PCDH17: variants seen among roughly 807,000 people sequenced by gnomAD.
The protein encoded by PCDH17 is protocadherin-17.
A neutral mutation model predicts 67.7 loss-of-function variants in PCDH17; 21 were observed. The ratio of observed to expected loss-of-function variants is 0.31; its 90% CI spans 0.22 to 0.45. The LOEUF is 0.45. Ranked by LOEUF, PCDH17 falls within the 20% of genes least tolerant of loss-of-function variation. The probability of loss-of-function intolerance (pLI) is 1.00; values close to 1 mark genes in which losing one functional copy is unlikely to be tolerated. For synonymous variants in PCDH17, 701 were observed against 656.7 expected, an observed-to-expected ratio of 1.07 and a Z score of -1.03; for missense variants, 1,471 against 1,564.8, an observed-to-expected ratio of 0.94 and a Z score of 1.01.
intron 1 of PCDH17, among the ~76,000 whole-genome samples, chr13:57,662,055 G>A (rs1955190497): frequency 6.6e-6 from 1 of 151,932 alleles, no homozygotes; most frequent in Non-Finnish European, 1.5e-5. Context: ...AGTAGACAAG[G>A]GATTTTTCAC....
intron 3 of PCDH17, among the ~76,000 whole-genome samples, chr13:57,723,935 A>G (rs1355554167): frequency 2.0e-5 from 3 of 152,174 alleles, no homozygotes; most frequent in Admixed American, 6.5e-5. Flanking sequence ...ATGCATTTTC[A>G]CCTACTTACA....
intron 3 of PCDH17, among the ~76,000 whole-genome samples, chr13:57,722,570 G>A (rs575391817): frequency 6.6e-6 from 1 of 152,118 alleles, no homozygotes; most frequent in Middle Eastern, 3.4e-3. Context: ...GGAAACAAAT[G>A]ACTGATACCT....
intron 3 of PCDH17, among the ~76,000 whole-genome samples, chr13:57,711,874 T>C (rs952115066): frequency 2.0e-5 from 3 of 151,466 alleles, no homozygotes; most frequent in Non-Finnish European, 4.4e-5. Context: ...ATGAGTTATG[T>C]ATCTTAGGAT....
In PCDH17 at chr13:57,655,683, T is replaced by C. The variant is rs190258729; in HGVS notation, c.2566-10785T>C. On this transcript the variant is annotated intron_variant, in intron 1 of 3. Coordinates refer to ENST00000377918, the MANE Select transcript of PCDH17 (RefSeq NM_001040429.3). ...AATGGCCATGATTGCCTTTTAATGT[T>C]ATCGATCAAAGAAAAATCTAGTTGT... Among the ~76,000 whole-genome samples the C allele has an allele frequency of 2.0e-3, 303 of 152,164 alleles. 4 individuals carry two copies. The highest frequency in any genetic ancestry group is 0.014 in the Middle Eastern group (4 of 292).
chr13:57,641,558 G>GAA (rs71209470), intron 1 of PCDH17, among the ~76,000 whole-genome samples: 3 of 24,516 alleles, frequency 1.2e-4, no homozygotes, highest in Non-Finnish European at 1.5e-4. Context: ...GTGTTTGAGA[G>GAA]AAAAAAAAAA....
intron 3 of PCDH17, among the ~76,000 whole-genome samples, chr13:57,710,957 C>T (rs1955770496): frequency 6.6e-6 from 1 of 151,886 alleles, no homozygotes; most frequent in Non-Finnish European, 1.5e-5. Context: ...GTTTGAAACA[C>T]AAGTGTGTCA....
chr13:57,633,737 G>A lies in PCDH17; in HGVS notation c.1191G>A (p.Thr397=), dbSNP rs757703432. ...GTCGGGTCCTAGGCGGAGGAGGGAC[G>A]GGCGGCGGCGGGGGCCTGGGCGGGC... ...LQCRVLGGGG[T]GGGGGLGGPG... is the part of the protein sequence containing the mutation. Residue 397 remains threonine (T), a synonymous_variant, in exon 1 of 4, where the codon ACG becomes ACA. Transcript: ENST00000377918. The surrounding 1 kb of genome is among the most constrained non-coding windows in gnomAD (Gnocchi z 6.2). 8.2e-6 allele frequency: 13 copies of A among 1,591,700 alleles called. No homozygotes were observed. The highest frequency in any genetic ancestry group is 2.7e-5 in the African/African-American group (2 of 74,656).
In PCDH17 at chr13:57,634,473, G is replaced by T; in HGVS notation, c.1927G>T (p.Gly643Cys). 6.2e-7 allele frequency: 1 copy of T among 1,612,880 alleles called. No homozygotes were observed. Among genetic ancestry groups the T allele is most frequent in the East Asian group, 2.2e-5 (1 of 44,804 alleles). ...CCTGTTTGAGATCGACCCGTCCAGC[G>T]GCGAGATCCGCACGCTGCACCCTTT... ...DHLFEIDPSS[G>C]EIRTLHPFWE... The change falls in exon 1 of 4, where the codon GGC (glycine) becomes TGC (cysteine). Residue 643 changes from glycine to cysteine, a missense_variant. By Grantham distance (159) the Gly-to-Cys change is radical. Transcript: ENST00000377918. This position sits in a 1 kb window ranked among gnomAD's most constrained non-coding sequence, Gnocchi z 7.8.
chr13:57,707,160 A>G (rs1955728489), intron 3 of PCDH17, among the ~76,000 whole-genome samples: 2 of 152,008 alleles, frequency 1.3e-5, no homozygotes, highest in South Asian at 2.1e-4. Flanking sequence ...TACAAGTTCT[A>G]CCTTCTACTT....
intron 1 of PCDH17, among the ~76,000 whole-genome samples, chr13:57,658,647 T>G (rs1267929340): frequency 6.6e-6 from 1 of 152,202 alleles, no homozygotes; most frequent in Non-Finnish European, 1.5e-5. Flanking sequence ...AATGTACATC[T>G]GTGAAATGAA....
At chr13:57,661,313 G>A (rs1955180387) in intron 1 of PCDH17, among the ~76,000 whole-genome samples, 1 of 152,178 alleles carries the variant, frequency 6.6e-6, no homozygotes, top group East Asian at 1.9e-4. Context: ...ATGATTTAGT[G>A]TTAAGCCTTT....
chr13:57,688,846 C>G (rs1955530822), intron 3 of PCDH17, among the ~76,000 whole-genome samples: 1 of 152,004 alleles, frequency 6.6e-6, no homozygotes, highest in Non-Finnish European at 1.5e-5. Flanking sequence ...TAGATTATCT[C>G]TAATTGTCTT....
chr13:57,637,901 T>C (rs1954843309), intron 1 of PCDH17, among the ~76,000 whole-genome samples: 1 of 152,034 alleles, frequency 6.6e-6, no homozygotes, highest in African/African-American at 2.4e-5. Flanking sequence ...TCCTTAGGCA[T>C]AGGAGTACTT....
chr13:57,725,032 C>A lies in PCDH17; in HGVS notation c.3218C>A (p.Pro1073His). ...GCTGAAGCAAGCAGTCAGTACTTGC[C>A]CACTGACAGTCAATATCTGTCACCT... is the stretch of plus-strand genomic sequence containing the variant. Reference protein sequence around the residue: ...ALAEASSQYLPTDSQYLSPSK... With the variant: ...ALAEASSQYLHTDSQYLSPSK... Residue 1073 changes from proline to histidine, a missense_variant, in exon 4 of 4, where the codon CCC becomes CAC. Pro to His is a moderately conservative substitution (Grantham distance 77, BLOSUM62 -2). This residue lies in a region of PCDH17 where 297 missense variants were observed against 298.6 expected (regional missense o/e 0.99). Transcript: ENST00000377918. The A allele has an allele frequency of 6.2e-7, 1 of 1,614,100 alleles. No individual in the cohort carries two copies. Among genetic ancestry groups the A allele is most frequent in the Non-Finnish European group, 8.5e-7 (1 of 1,179,994 alleles).
At chr13:57,710,930 G>A (rs1282492091) in intron 3 of PCDH17, among the ~76,000 whole-genome samples, 1 of 151,850 alleles carries the variant, frequency 6.6e-6, no homozygotes, top group Non-Finnish European at 1.5e-5. Context: ...CTTGATTTGG[G>A]GGTAAAAAGG....
intron 3 of PCDH17, among the ~76,000 whole-genome samples, chr13:57,675,572 A>G (rs1955383497): frequency 6.6e-6 from 1 of 151,960 alleles, no homozygotes; most frequent in Non-Finnish European, 1.5e-5. Flanking sequence ...AGTAAGAAAC[A>G]TTTGAGCAGA....
chr13:57,693,447 T>A lies in PCDH17; in HGVS notation c.2797+26614T>A, dbSNP rs552913533. Among the ~76,000 whole-genome samples the A allele has an allele frequency of 3.8e-4, 56 of 148,924 alleles. 1 individual carries two copies. In the Middle Eastern group the frequency reaches 0.014, roughly 37 times the overall value. ...CACTGCTCTTTCATACTTTGTTTTT[T>A]AAGGTTTAACTTAGAGGAATTGCAG... On this transcript the variant is annotated intron_variant, in intron 3 of 3. Coordinates refer to ENST00000377918, the MANE Select transcript of PCDH17 (RefSeq NM_001040429.3).
intron 1 of PCDH17, among the ~76,000 whole-genome samples, chr13:57,641,587 A>ATAT (rs1275045088): frequency 1.5e-4 from 3 of 20,586 alleles, no homozygotes; most frequent in Non-Finnish European, 1.9e-4. Flanking sequence ...AAAAAAAAAA[A>ATAT]ATATATATAT....
chr13:57,711,046 G>C (rs1955771563), intron 3 of PCDH17, among the ~76,000 whole-genome samples: 1 of 151,932 alleles, frequency 6.6e-6, no homozygotes, highest in Admixed American at 6.6e-5. Flanking sequence ...GAATAGCTGT[G>C]ATTTCACATT....
Sources: allele counts gnomAD v4.1 joint callset (sites outside exome capture counted in the v4.1 genomes callset), GRCh38; gene constraint gnomAD v4.1.1; regional missense constraint gnomAD v4.1.1; non-coding constraint Gnocchi (gnomAD v3.1); transcripts MANE v1.5; gene names NCBI Gene and HGNC (gene_info 2026-07-23, HGNC 2026-07-21).